The following TRPM7 variants were observed in gnomAD, a reference collection of about 807,000 sequenced individuals.
TRPM7 encodes the protein LTRPC ion channel family member 7.
Under a neutral mutation model 229.7 loss-of-function variants are expected in TRPM7, and 134 were observed. The observed-to-expected ratio is 0.58, with a 90% confidence interval of 0.51 to 0.67. The LOEUF (loss-of-function observed/expected upper bound fraction) is 0.67, where lower values mean the gene tolerates loss of function less well. Ranked by LOEUF, TRPM7 falls within the 30% of genes least tolerant of loss-of-function variation. The pLI, the probability that TRPM7 is intolerant of heterozygous loss-of-function variation, is 0.00. For synonymous variants in TRPM7, 699 were observed against 715.2 expected (o/e 0.98, Z 0.36); for missense variants, 1,901 against 2,210.0 (o/e 0.86, Z 2.80).
At chr15:50,615,150 C>T (rs11070800) in intron 13 of TRPM7, among the ~76,000 whole-genome samples, 50,016 of 128,708 alleles carry the variant, frequency 0.39, 10,011 homozygotes, top group Admixed American at 0.55. Flanking sequence ...GCGACAAGAG[C>T]GAGACTTTGT....
intron 1 of TRPM7, among the ~76,000 whole-genome samples, chr15:50,668,074 A>C (rs755307838): frequency 2.0e-5 from 3 of 152,212 alleles, no homozygotes; most frequent in Non-Finnish European, 4.4e-5. Flanking sequence ...GGCTGTCCTA[A>C]GACTTTTTGT....
chr15:50,617,171 TAAATAAATA>T (rs2060247155), intron 13 of TRPM7, among the ~76,000 whole-genome samples: 6 of 125,326 alleles, frequency 4.8e-5, no homozygotes, highest in Admixed American at 1.5e-4. Context: ...AATAAATAAA[TAAATAAATA>T]AAATAAATTA....
intron 37 of TRPM7, 23 bp downstream of exon 37, chr15:50,570,081 A>G: frequency 6.2e-7 from 1 of 1,602,512 alleles, no homozygotes; most frequent in African/African-American, 1.3e-5. Context: ...TTATGCCTTA[A>G]TGAAATAGTT....
Position 50,574,894 on chromosome 15 carries a change from T to C in TRPM7, c.4977A>G (p.Ser1659=). 1 of 1,613,600 alleles carries C rather than the reference T, an allele frequency of 6.2e-7. No individual in the cohort carries two copies. Residue 1659 remains serine (S), a synonymous_variant, in exon 34 of 39, where the codon TCA becomes TCG. Coordinates refer to ENST00000646667, the MANE Select transcript of TRPM7 (RefSeq NM_017672.6). ...GAACTGTATCTTCTTTGTAAATACT[T>C]GACCATGTATTAACCACCTCTGGAA... ...SFLPEVVNTW[S]SIYKEDTVLH...
rs3109894 is a variant in TRPM7 at position 50,586,377 on chromosome 15, G to A, written c.4486+15C>T. On this transcript the variant is annotated intron_variant, in intron 28 of 38. Coordinates refer to ENST00000646667, the MANE Select transcript of TRPM7 (RefSeq NM_017672.6). ...GTATGTTTTCTGACACTATTCATAT[G>A]GTCAAAATACTCACCTTGTTTTGAA... 620,974 of 1,521,494 alleles carry A rather than the reference G, an allele frequency of 0.41. 128,565 individuals carry two copies. The highest frequency in any genetic ancestry group is 0.51 in the Admixed American group (30,047 of 59,174). 94.2% of individuals were successfully genotyped at this position (1,521,494 alleles called of 1,614,324 possible).
chr15:50,616,763 C>T (rs2060233042), intron 13 of TRPM7, among the ~76,000 whole-genome samples: 1 of 151,870 alleles, frequency 6.6e-6, no homozygotes, highest in South Asian at 2.1e-4. Flanking sequence ...TTGCTGCAAC[C>T]TCCGCTTCCC....
intron 7 of TRPM7, among the ~76,000 whole-genome samples, chr15:50,636,592 C>T (rs12324599): frequency 0.59 from 89,982 of 151,944 alleles, 26,957 homozygotes; most frequent in African/African-American, 0.67. Context: ...GCTCAACTTC[C>T]TGGGGTCCTT....
intron 13 of TRPM7, among the ~76,000 whole-genome samples, chr15:50,615,163 CAAAAAAAAAAAAAAAAA>C (rs71124383): frequency 1.1e-5 from 1 of 94,582 alleles, no homozygotes; most frequent in African/African-American, 4.4e-5. Flanking sequence ...GACTTTGTCT[CAAAAAAAAAAAAAAAAA>C]AAAAAAAAAA....
intron 2 of TRPM7, among the ~76,000 whole-genome samples, chr15:50,662,161 G>A (rs1457705069): frequency 6.6e-6 from 1 of 152,110 alleles, no homozygotes; most frequent in Non-Finnish European, 1.5e-5. Flanking sequence ...GAACCATCCT[G>A]GCTAACATGG....
chr15:50,598,769 A>C lies in TRPM7; in HGVS notation c.3163+353T>G, dbSNP rs991951856. Reference sequence around the variant, plus strand: ...AATGACAGTCTTAGAATCATAAGGGAAACTTATAGAGTTGGCAGCCGGAAG... The same window carrying C: ...AATGACAGTCTTAGAATCATAAGGGCAACTTATAGAGTTGGCAGCCGGAAG... On this transcript the variant is annotated intron_variant, in intron 22 of 38. Transcript: ENST00000646667. 1.1e-4 allele frequency among the ~76,000 whole-genome samples: 16 copies of C among 152,332 alleles called. 1 individual carries two copies. Among genetic ancestry groups the C allele is most frequent in the Middle Eastern group, 3.4e-3 (1 of 294 alleles).
intron 4 of TRPM7, among the ~76,000 whole-genome samples, chr15:50,648,415 A>G (rs192908218): frequency 2.6e-5 from 4 of 152,362 alleles, no homozygotes. Context: ...ATAAAAGGTT[A>G]AAACCGAAAA....
chr15:50,669,994 T>G (rs2061955304), intron 1 of TRPM7, among the ~76,000 whole-genome samples: 1 of 152,228 alleles, frequency 6.6e-6, no homozygotes, highest in African/African-American at 2.4e-5. Flanking sequence ...GAATGCAGGA[T>G]AAGCTTACTG....
chr15:50,612,380 A>G (rs2060084191), intron 16 of TRPM7, among the ~76,000 whole-genome samples, 169 bp downstream of exon 16: 1 of 152,136 alleles, frequency 6.6e-6, no homozygotes, highest in Admixed American at 6.5e-5. Flanking sequence ...AGAGGCAGAA[A>G]GTTTCTTTTA....
rs35848629 is a variant in TRPM7, at chr15:50,621,157, CAAAAAAA to C, written c.1441-1366_1441-1360del. Among the ~76,000 whole-genome samples the C allele has an allele frequency of 2.3e-4, 12 of 51,850 alleles. 1 individual carries two copies. The highest frequency in any genetic ancestry group is 6.8e-4 in the African/African-American group (11 of 16,162). 34.0% of individuals were successfully genotyped at this position (51,850 alleles called of 152,430 possible). A position where few individuals can be genotyped will look rare whatever the true frequency, so the allele number is the denominator to read the frequency against. On this transcript the variant is annotated intron_variant, in intron 12 of 38. Transcript: ENST00000646667. Reference sequence around the variant, plus strand: ...CCTGGGCAACAGCGAGACTCCGTCTCAAAAAAAAAAAAAAAAAAAAAAAAACCTATTT... The same window carrying C: ...CCTGGGCAACAGCGAGACTCCGTCTCAAAAAAAAAAAAAAAAAACCTATTT...
At chr15:50,650,615 A>G (rs2061396485) in intron 3 of TRPM7, among the ~76,000 whole-genome samples, 2 of 152,066 alleles carry the variant, frequency 1.3e-5, no homozygotes, top group South Asian at 4.1e-4. Flanking sequence ...GAATCGCTTG[A>G]ACCTGGGAGG....
At chr15:50,603,958 G>C (rs1452770027) in intron 21 of TRPM7, 1 of 152,152 alleles carries the variant, frequency 6.6e-6, no homozygotes, top group East Asian at 1.9e-4. Flanking sequence ...ACGTTAAACT[G>C]TTAATAGTGA....
chr15:50,644,401 T>C (rs1047904846), intron 4 of TRPM7, among the ~76,000 whole-genome samples: 4 of 152,196 alleles, frequency 2.6e-5, no homozygotes, highest in Admixed American at 6.5e-5. Context: ...TATTCAGACA[T>C]TGAGACATTT....
At chr15:50,562,747 T>C (rs1326755850) in intron 38 of TRPM7, among the ~76,000 whole-genome samples, 1 of 147,630 alleles carries the variant, frequency 6.8e-6, no homozygotes, top group Non-Finnish European at 1.5e-5. Flanking sequence ...TACTTCAACC[T>C]GGGCGACAGA....
intron 7 of TRPM7, among the ~76,000 whole-genome samples, chr15:50,635,318 TAAAAAAAA>T (rs71124393): frequency 2.8e-4 from 12 of 42,944 alleles, no homozygotes; most frequent in African/African-American, 8.5e-4. Flanking sequence ...CTCCCTCACA[TAAAAAAAA>T]AAAAAAAAAA....
Sources: allele counts gnomAD v4.1 joint callset (sites outside exome capture counted in the v4.1 genomes callset), GRCh38; gene constraint gnomAD v4.1.1; transcripts MANE v1.5; gene names NCBI Gene and HGNC (gene_info 2026-07-23, HGNC 2026-07-21).